The following GRM1 variants were observed in gnomAD, a reference collection of about 807,000 sequenced individuals.
GRM1 encodes glutamate metabotropic receptor 1.
GRM1 carries 33 observed loss-of-function variants against 90.9 expected under a neutral mutation model. That is an observed-to-expected ratio of 0.36 (90% CI 0.28 to 0.49). The LOEUF is 0.49. Among genes scored for constraint, GRM1 ranks in the 20% least tolerant of loss-of-function variants. GRM1 has a pLI of 0.99. For synonymous variants in GRM1, 700 were observed against 613.2 expected (o/e 1.14, Z -2.09); for missense variants, 1,190 against 1,534.3 (o/e 0.78, Z 3.75).
intron 2 of GRM1, 27 bp from the exon 3 acceptor site, chr6:146,304,584 C>T: frequency 6.9e-7 from 1 of 1,442,656 alleles, no homozygotes; most frequent in Non-Finnish European, 9.8e-7. Flanking sequence ...CTTTCTCTCT[C>T]CCTACCCCAA....
intron 5 of GRM1, among the ~76,000 whole-genome samples, 156 bp from the exon 6 acceptor site, chr6:146,386,734 A>G (rs548886014): frequency 1.3e-5 from 2 of 152,220 alleles, no homozygotes; most frequent in East Asian, 1.9e-4. Flanking sequence ...AATCAAATAT[A>G]TACAAATTCA....
chr6:146,091,055 C>T (rs1231191410), intron 1 of GRM1, among the ~76,000 whole-genome samples: 1 of 152,070 alleles, frequency 6.6e-6, no homozygotes, highest in Admixed American at 6.6e-5. Flanking sequence ...CTATTCTGCT[C>T]CCCCAACCTG....
At chr6:146,076,423 G>T (rs1294379887) in intron 1 of GRM1, among the ~76,000 whole-genome samples, 1 of 152,188 alleles carries the variant, frequency 6.6e-6, no homozygotes, top group East Asian at 1.9e-4. Flanking sequence ...TCCAGTGAAG[G>T]ATGATGTGGG....
At chr6:146,127,171 A>G (rs1024134515) in intron 1 of GRM1, among the ~76,000 whole-genome samples, 6 of 152,172 alleles carry the variant, frequency 3.9e-5, no homozygotes, top group Non-Finnish European at 7.3e-5. Flanking sequence ...TACAAATTAC[A>G]TTACTGAAAA....
In GRM1 at chr6:146,374,798, A is replaced by T. The variant is rs551085874; in HGVS notation, c.1603-12092A>T. 3.3e-5 allele frequency among the ~76,000 whole-genome samples: 5 copies of T among 151,936 alleles called. No individual in the cohort carries two copies. The South Asian group carries it at 1.0e-3, about 32-fold the overall frequency. On this transcript the variant is annotated intron_variant, in intron 5 of 7. Coordinates refer to ENST00000282753, the MANE Select transcript of GRM1 (RefSeq NM_001278064.2). ...TGACTAAAGTTTTTCAACTCTGTTA[A>T]CTTTTCAAAAAACCAACTTTTTGTT...
At chr6:146,232,675 C>A (rs1049294416) in intron 2 of GRM1, among the ~76,000 whole-genome samples, 1 of 151,900 alleles carries the variant, frequency 6.6e-6, no homozygotes, top group Non-Finnish European at 1.5e-5. Context: ...GCCCTCCAGC[C>A]CCCCAATACC....
chr6:146,358,359 ACT>A (rs911883658), intron 5 of GRM1, among the ~76,000 whole-genome samples: 1 of 152,052 alleles, frequency 6.6e-6, no homozygotes, highest in Non-Finnish European at 1.5e-5. Context: ...TGGAGGCAAC[ACT>A]CTCTGTATCC....
intron 2 of GRM1, among the ~76,000 whole-genome samples, chr6:146,243,593 A>T (rs1450078141): frequency 6.6e-6 from 1 of 152,064 alleles, no homozygotes; most frequent in Non-Finnish European, 1.5e-5. Flanking sequence ...GGTCACAGAG[A>T]TCACATGCTT....
At chr6:146,395,989 T>C (rs1007300927) in intron 6 of GRM1, among the ~76,000 whole-genome samples, 7 of 152,118 alleles carry the variant, frequency 4.6e-5, no homozygotes, top group African/African-American at 1.7e-4. Context: ...CTTGTAAATA[T>C]TTTAATTTAT....
At chr6:146,352,518 C>A (rs377583330) in intron 4 of GRM1, 22 bp downstream of exon 4, 15 of 1,611,792 alleles carry the variant, frequency 9.3e-6, no homozygotes, top group Admixed American at 1.7e-5. Flanking sequence ...AGTAATCAAT[C>A]TAAGTAACCT....
chr6:146,268,952 C>G (rs1027829268), intron 2 of GRM1, among the ~76,000 whole-genome samples: 1 of 152,212 alleles, frequency 6.6e-6, no homozygotes, highest in Non-Finnish European at 1.5e-5. Context: ...CACACACTTA[C>G]AGCCAACTGA....
chr6:146,320,993 T>G (rs9497526), intron 3 of GRM1, among the ~76,000 whole-genome samples: 17,429 of 152,130 alleles, frequency 0.11, 1,979 homozygotes, highest in African/African-American at 0.3. Flanking sequence ...CTGATCTTAG[T>G]TATTTCTTGT....
At chr6:146,426,498 A>G (rs369243520) in intron 7 of GRM1, 3 of 1,504,554 alleles carry the variant, frequency 2.0e-6, no homozygotes, top group Non-Finnish European at 2.7e-6. Context: ...TGGACTTGCC[A>G]TATCTGTACA....
At chr6:146,091,249 G>A (rs191602042) in intron 1 of GRM1, among the ~76,000 whole-genome samples, 269 of 152,254 alleles carry the variant, frequency 1.8e-3, no homozygotes, top group African/African-American at 6.1e-3. Context: ...CCTCCCTTGG[G>A]CTAGTGTAGG....
chr6:146,156,044 T>C (rs1159457234), intron 1 of GRM1, among the ~76,000 whole-genome samples: 1 of 152,162 alleles, frequency 6.6e-6, no homozygotes, highest in Non-Finnish European at 1.5e-5. Context: ...GTGTAGAGGA[T>C]ACTATGCTTT....
intron 3 of GRM1, among the ~76,000 whole-genome samples, chr6:146,334,822 AC>A (rs1308601848): frequency 1.3e-5 from 2 of 152,068 alleles, no homozygotes; most frequent in Non-Finnish European, 2.9e-5. Flanking sequence ...CTTATTTCCC[AC>A]TAATAAATCA....
At chr6:146,270,526 C>T (rs897176377) in intron 2 of GRM1, among the ~76,000 whole-genome samples, 3 of 152,136 alleles carry the variant, frequency 2.0e-5, no homozygotes, top group African/African-American at 7.2e-5. Flanking sequence ...AAATCAATCA[C>T]CAAAGGATGA....
chr6:146,314,126 G>T (rs149441260), intron 3 of GRM1, among the ~76,000 whole-genome samples: 1 of 116,764 alleles, frequency 8.6e-6, no homozygotes, highest in Admixed American at 1.2e-4. Flanking sequence ...GAATGCAATA[G>T]CTGGATCTTG....
chr6:146,312,450 C>T (rs1287355515), intron 3 of GRM1, among the ~76,000 whole-genome samples: 2 of 147,320 alleles, frequency 1.4e-5, no homozygotes, highest in Admixed American at 1.4e-4. Context: ...CAAATTTTAG[C>T]ATAGAGTTGA....
Sources: allele counts gnomAD v4.1 joint callset (sites outside exome capture counted in the v4.1 genomes callset), GRCh38; gene constraint gnomAD v4.1.1; transcripts MANE v1.5; gene names NCBI Gene and HGNC (gene_info 2026-07-23, HGNC 2026-07-21).